The following HOXC12 variants were observed in gnomAD, a reference collection of about 807,000 sequenced individuals.
HOXC12 encodes homeobox C12, also known as homeobox protein Hox-C12.
Under a neutral mutation model 20.9 loss-of-function variants are expected in HOXC12, and 24 were observed. The ratio of observed to expected loss-of-function variants is 1.15; its 90% CI spans 0.83 to 1.61. HOXC12 has a LOEUF of 1.61. HOXC12 is among the 40% of genes most tolerant of loss of function. HOXC12 has a pLI of 0.00. For missense variants in HOXC12, 436 were observed against 406.9 expected, an observed-to-expected ratio of 1.07 and a Z score of -0.62; for synonymous variants, 202 against 197.7, an observed-to-expected ratio of 1.02 and a Z score of -0.18.
Position 53,957,194 on chromosome 12 carries a change from G to T in HOXC12, c.*628G>T, listed in dbSNP as rs1938881429. 1 of 152,568 alleles carries T rather than the reference G, an allele frequency of 6.6e-6. No homozygotes were observed. The highest frequency in any genetic ancestry group is 1.5e-5 in the Non-Finnish European group (1 of 68,232). The allele number at this position is 152,568 out of a possible 1,614,324, so 9.5% of individuals were successfully genotyped here. Reference sequence around the variant, plus strand: ...CTGGGTCCCCCAGGACACCCAGTGGGCAGAAGCTTGGGCATTTGGCTGGCC... The same window carrying T: ...CTGGGTCCCCCAGGACACCCAGTGGTCAGAAGCTTGGGCATTTGGCTGGCC... On this transcript the variant is annotated 3_prime_UTR_variant, in exon 2 of 2. Transcript: ENST00000243103.
Position 53,956,659 on chromosome 12 carries a change from G to T in HOXC12, c.*93G>T, listed in dbSNP as rs760375489. The stretch of plus-strand genomic sequence containing the variant: ...CTAGAACACAGTCCCCACTTAGAAC[G>T]CCAGGCGTCTCTGGCAGGCCCTCCC... On this transcript the variant is annotated 3_prime_UTR_variant, in exon 2 of 2. Coordinates refer to ENST00000243103, the MANE Select transcript of HOXC12 (RefSeq NM_173860.3). 9 of 913,340 alleles carry T rather than the reference G, an allele frequency of 9.9e-6. No homozygotes were observed. Among genetic ancestry groups the T allele is most frequent in the African/African-American group, 1.7e-5 (1 of 59,554 alleles). The allele number at this position is 913,340 out of a possible 1,614,324, so 56.6% of individuals were successfully genotyped here.
At chr12:53,956,083 T>G (rs1592189756) in intron 1 of HOXC12, among the ~76,000 whole-genome samples, 1 of 148,846 alleles carries the variant, frequency 6.7e-6, no homozygotes, top group Non-Finnish European at 1.5e-5. Flanking sequence ...CAGCAGGAGG[T>G]AGGGTTGAGG....
Position 53,955,306 on chromosome 12 carries a change from C to G in HOXC12, c.377C>G (p.Pro126Arg). ...PGAGPGAALL[P>R]LEPSGPPALG... The stretch of plus-strand genomic sequence containing the variant: ...GCCGGGCCCGGGGCAGCGCTGCTCC[C>G]GCTGGAGCCGTCGGGGCCGCCTGCG... Residue 126 changes from proline to arginine, a missense_variant, in exon 1 of 2, where the codon CCG becomes CGG. Coordinates refer to ENST00000243103, the MANE Select transcript of HOXC12 (RefSeq NM_173860.3). The G allele has an allele frequency of 1.4e-6, 2 of 1,385,532 alleles. No individual in the cohort carries two copies. Among genetic ancestry groups the G allele is most frequent in the African/African-American group, 1.5e-5 (1 of 65,664 alleles). 85.8% of individuals were successfully genotyped at this position (1,385,532 alleles called of 1,614,324 possible). A position where few individuals can be genotyped will look rare whatever the true frequency, so the allele number is the denominator to read the frequency against.
Position 53,955,450 on chromosome 12 carries a change from T to C in HOXC12, c.521T>C (p.Leu174Pro). The C allele has an allele frequency of 6.6e-7, 1 of 1,505,880 alleles. No individual in the cohort carries two copies. The highest frequency in any genetic ancestry group is 8.8e-7 in the Non-Finnish European group (1 of 1,133,600). The allele number at this position is 1,505,880 out of a possible 1,614,324, so 93.3% of individuals were successfully genotyped here. Residue 174 changes from leucine (L) to proline (P), a missense_variant, in exon 1 of 2, where the codon CTG becomes CCG. By Grantham distance (98) the Leu-to-Pro change is moderately conservative. Transcript: ENST00000243103. ...QSLESDSSSSLLNEGNKGAGA... is the reference protein window; with the variant it reads ...QSLESDSSSSPLNEGNKGAGA... ...CTGGAATCCGACTCCAGTTCGTCCC[T>C]GCTCAACGAGGGCAACAAGGGCGCC... is the stretch of plus-strand genomic sequence containing the variant.
rs185083385 is a variant in HOXC12 at position 53,958,087 on chromosome 12, G to T, written c.*1521G>T. 6.6e-6 allele frequency: 1 copy of T among 152,584 alleles called. No homozygotes were observed. Among genetic ancestry groups the T allele is most frequent in the Non-Finnish European group, 1.5e-5 (1 of 68,258 alleles). The allele number at this position is 152,584 out of a possible 1,614,324, so 9.5% of individuals were successfully genotyped here. Reference sequence around the variant, plus strand: ...CCGGCCCTTTCCAGGAGCAAGAGGGGTGAGAAGCAGGGCACTGATGGGAGT... The same window carrying T: ...CCGGCCCTTTCCAGGAGCAAGAGGGTTGAGAAGCAGGGCACTGATGGGAGT... On this transcript the variant is annotated 3_prime_UTR_variant, in exon 2 of 2. Coordinates refer to ENST00000243103, the MANE Select transcript of HOXC12 (RefSeq NM_173860.3).
rs1938906557 is a variant in HOXC12 at position 53,958,571 on chromosome 12, C to CCTCTGGG, written c.*2007_*2008insCTGGGCT. ...ACCCACTGTACCCCCTTTATGCAGC[C>CCTCTGGG]CTTCCTGTGACCTCTGGGCTCTAGG... On this transcript the variant is annotated 3_prime_UTR_variant, in exon 2 of 2. Coordinates refer to ENST00000243103, the MANE Select transcript of HOXC12 (RefSeq NM_173860.3). The CCTCTGGG allele has an allele frequency of 6.6e-6, 1 of 152,274 alleles. No individual in the cohort carries two copies. The highest frequency in any genetic ancestry group is 2.1e-4 in the South Asian group (1 of 4,824). The allele number at this position is 152,274 out of a possible 1,614,324, so 9.4% of individuals were successfully genotyped here.
rs1938906226 is a variant in HOXC12, at chr12:53,958,550, A to G, written c.*1984A>G. The G allele has an allele frequency of 6.6e-6, 1 of 152,192 alleles. No homozygotes were observed. The allele number at this position is 152,192 out of a possible 1,614,324, so 9.4% of individuals were successfully genotyped here. A position where few individuals can be genotyped will look rare whatever the true frequency, so the allele number is the denominator to read the frequency against. ...CACTCCCCACCTTGACTGGTCACCCACTGTACCCCCTTTATGCAGCCCTTC... is the reference window on the plus strand; with the variant it reads ...CACTCCCCACCTTGACTGGTCACCCGCTGTACCCCCTTTATGCAGCCCTTC... On this transcript the variant is annotated 3_prime_UTR_variant, in exon 2 of 2. Transcript: ENST00000243103.
intron 1 of HOXC12, among the ~76,000 whole-genome samples, chr12:53,956,127 G>C (rs1938862318): frequency 6.6e-6 from 1 of 152,160 alleles, no homozygotes; most frequent in African/African-American, 2.4e-5. Flanking sequence ...AAAAAAAAGA[G>C]TAAAGAAAGT....
chr12:53,955,571 C>A (rs1276738447), intron 1 of HOXC12, 32 bp downstream of exon 1: 2 of 1,385,336 alleles, frequency 1.4e-6, no homozygotes, highest in South Asian at 3.2e-5. Context: ...GCGGCGGATT[C>A]AAACCCGACC....
At position 53,955,525 on chromosome 12, in the gene HOXC12, G is replaced by T; in HGVS notation, c.596G>T (p.Gly199Val). 6.8e-7 allele frequency: 1 copy of T among 1,465,800 alleles called. No individual in the cohort carries two copies. Among genetic ancestry groups the T allele is most frequent in the Non-Finnish European group, 9.0e-7 (1 of 1,113,296 alleles). The allele number at this position is 1,465,800 out of a possible 1,614,324, so 90.8% of individuals were successfully genotyped here. The change falls in exon 1 of 2, where the codon GGG becomes GTG. Residue 199 changes from glycine (G) to valine (V), a missense_variant. Physicochemically the swap from Gly to Val is moderately radical, Grantham distance 109. Transcript: ENST00000243103. ...SLVSPLNPGG[G>V]LSASGAPWYP... ...GTATCGCCGTTGAACCCCGGCGGCG[G>T]GCTCTCGGCCAGCGGTAAGGACCCC... is the stretch of plus-strand genomic sequence containing the variant.
intron 1 of HOXC12, 61 bp from the exon 2 acceptor site, chr12:53,956,267 G>A (rs1938863979): frequency 3.6e-6 from 5 of 1,375,430 alleles, no homozygotes; most frequent in Non-Finnish European, 4.0e-6. Context: ...GAAGGGCCAA[G>A]GGCACTGGAC....
Position 53,955,188 on chromosome 12 carries a change from C to A in HOXC12, c.259C>A (p.Arg87Ser), listed in dbSNP as rs777384448. Reference sequence around the variant, plus strand: ...CTTCGGCCGCACGTGCGAGCTGGCGCGCGTGGAGGACGGCAAGGGTTACTA... The same window carrying A: ...CTTCGGCCGCACGTGCGAGCTGGCGAGCGTGGAGGACGGCAAGGGTTACTA... ...PPFGRTCELA[R>S]VEDGKGYYRE... The change falls in exon 1 of 2, where the codon CGC becomes AGC. Residue 87 changes from arginine (R) to serine (S), a missense_variant. Physicochemically the swap from Arg to Ser is moderately radical, Grantham distance 110 (BLOSUM62 -1). Coordinates refer to ENST00000243103, the MANE Select transcript of HOXC12 (RefSeq NM_173860.3). The A allele has an allele frequency of 6.2e-7, 1 of 1,610,548 alleles. No individual in the cohort carries two copies. The highest frequency in any genetic ancestry group is 2.2e-5 in the East Asian group (1 of 44,788).
At position 53,956,447 on chromosome 12, in the gene HOXC12, C is replaced by A. The variant is rs368956035; in HGVS notation, c.730C>A (p.Arg244=). The change falls in exon 2 of 2, where the codon CGG becomes AGG. Residue 244 remains arginine (R), a synonymous_variant. Transcript: ENST00000243103. ...LVNEFITRQR[R]RELSDRLNLS... ...CAACGAGTTCATCACACGCCAGCGC[C>A]GGAGGGAACTCTCAGACCGCTTGAA... is the stretch of plus-strand genomic sequence containing the variant. 2.7e-5 allele frequency: 44 copies of A among 1,614,142 alleles called. No homozygotes were observed. In the African/African-American group the frequency reaches 4.4e-4, roughly 16 times the overall value.
Position 53,956,601 on chromosome 12 carries a change from C to A in HOXC12, c.*35C>A. On this transcript the variant is annotated 3_prime_UTR_variant, in exon 2 of 2. Transcript: ENST00000243103. ...CACGGGCGCCAGCCCCAGACTGAGC[C>A]TGTCCCTGGCAGAGAGCAAAAGAGG... 1 of 1,514,038 alleles carries A rather than the reference C, an allele frequency of 6.6e-7. No individual in the cohort carries two copies. The highest frequency in any genetic ancestry group is 1.2e-5 in the South Asian group (1 of 80,824). 93.8% of individuals were successfully genotyped at this position (1,514,038 alleles called of 1,614,324 possible). A position where few individuals can be genotyped will look rare whatever the true frequency, so the allele number is the denominator to read the frequency against.
In HOXC12 at chr12:53,955,226, C is replaced by A. The variant is rs753589668; in HGVS notation, c.297C>A (p.Cys99Ter). ...GCAAGGGTTACTACCGCGAGCCGTGCGCCGAGGGTGGCGGCGGGGGCCTGA... is the reference window on the plus strand; with the variant it reads ...GCAAGGGTTACTACCGCGAGCCGTGAGCCGAGGGTGGCGGCGGGGGCCTGA... ...EDGKGYYREP[C>*]AEGGGGGLKR... Residue 99 changes from cysteine to a stop codon, truncating the protein, a stop_gained, in exon 1 of 2, where the codon TGC (cysteine) becomes TGA (stop). Coordinates refer to ENST00000243103, the MANE Select transcript of HOXC12 (RefSeq NM_173860.3). LOFTEE classifies it high-confidence loss of function. The A allele has an allele frequency of 4.4e-6, 7 of 1,596,828 alleles. No homozygotes were observed. Among genetic ancestry groups the A allele is most frequent in the Non-Finnish European group, 6.0e-6 (7 of 1,171,652 alleles).
At position 53,954,991 on chromosome 12, in the gene HOXC12, G is replaced by A. The variant is rs776378860; in HGVS notation, c.62G>A (p.Gly21Glu). ...GGGCCGCTGGTAAACATCCACACGG[G>A]AGACACCTTCTACTTCCCCAACTTC... Reference protein sequence around the residue: ...FVGPLVNIHTGDTFYFPNFRA... With the variant: ...FVGPLVNIHTEDTFYFPNFRA... The change falls in exon 1 of 2, where the codon GGA becomes GAA. Residue 21 changes from glycine (G) to glutamate (E), a missense_variant. Coordinates refer to ENST00000243103, the MANE Select transcript of HOXC12 (RefSeq NM_173860.3). 1 of 1,614,126 alleles carries A rather than the reference G, an allele frequency of 6.2e-7. No homozygotes were observed. Among genetic ancestry groups the A allele is most frequent in the Non-Finnish European group, 8.5e-7 (1 of 1,180,044 alleles).
In HOXC12 at chr12:53,955,505, G is replaced by C; in HGVS notation, c.576G>C (p.Ser192=). 1 of 1,474,578 alleles carries C rather than the reference G, an allele frequency of 6.8e-7. No homozygotes were observed. Among genetic ancestry groups the C allele is most frequent in the South Asian group, 1.3e-5 (1 of 77,464 alleles). 91.3% of individuals were successfully genotyped at this position (1,474,578 alleles called of 1,614,324 possible). Reference sequence around the variant, plus strand: ...CAGGCGACCCCGGCAGCTTGGTATCGCCGTTGAACCCCGGCGGCGGGCTCT... The same window carrying C: ...CAGGCGACCCCGGCAGCTTGGTATCCCCGTTGAACCCCGGCGGCGGGCTCT... ...AGAGDPGSLV[S]PLNPGGGLSA... Residue 192 remains serine (S), a synonymous_variant, in exon 1 of 2, where the codon TCG becomes TCC. Coordinates refer to ENST00000243103, the MANE Select transcript of HOXC12 (RefSeq NM_173860.3).
Position 53,955,425 on chromosome 12 carries a change from C to G in HOXC12, c.496C>G (p.Leu166Val), listed in dbSNP as rs1938846666. 6.6e-7 allele frequency: 1 copy of G among 1,511,884 alleles called. No homozygotes were observed. The highest frequency in any genetic ancestry group is 2.7e-5 in the East Asian group (1 of 37,436). 93.7% of individuals were successfully genotyped at this position (1,511,884 alleles called of 1,614,324 possible). A position where few individuals can be genotyped will look rare whatever the true frequency, so the allele number is the denominator to read the frequency against. Residue 166 changes from leucine to valine, a missense_variant, in exon 1 of 2, where the codon CTG (leucine) becomes GTG (valine). Physicochemically the swap from Leu to Val is conservative, Grantham distance 32 (BLOSUM62 1). Transcript: ENST00000243103. ...PPHDPPSCQS[L>V]ESDSSSSLLN... ...GCACGACCCGCCCTCCTGCCAGTCG[C>G]TGGAATCCGACTCCAGTTCGTCCCT... is the stretch of plus-strand genomic sequence containing the variant.
rs1193463660 is a variant in HOXC12 at position 53,955,194 on chromosome 12, G to A, written c.265G>A (p.Glu89Lys). ...FGRTCELARV[E>K]DGKGYYREPC... Reference sequence around the variant, plus strand: ...CCGCACGTGCGAGCTGGCGCGCGTGGAGGACGGCAAGGGTTACTACCGCGA... The same window carrying A: ...CCGCACGTGCGAGCTGGCGCGCGTGAAGGACGGCAAGGGTTACTACCGCGA... The change falls in exon 1 of 2, where the codon GAG (glutamate) becomes AAG (lysine). Residue 89 changes from glutamate to lysine, a missense_variant. Transcript: ENST00000243103. The A allele has an allele frequency of 6.2e-7, 1 of 1,610,484 alleles. No homozygotes were observed. Among genetic ancestry groups the A allele is most frequent in the Non-Finnish European group, 8.5e-7 (1 of 1,179,016 alleles).
Sources: allele counts gnomAD v4.1 joint callset (sites outside exome capture counted in the v4.1 genomes callset), GRCh38; gene constraint gnomAD v4.1.1; transcripts MANE v1.5; gene names NCBI Gene and HGNC (gene_info 2026-07-23, HGNC 2026-07-21).